COL26A1: variants seen among roughly 807,000 people sequenced by gnomAD.
The protein encoded by COL26A1 is collagen type XXVI alpha 1 chain.
In COL26A1, 41 loss-of-function variants were observed where a neutral mutation model predicts 59.3. That is an observed-to-expected ratio of 0.69 (90% confidence interval 0.54 to 0.90). The LOEUF is 0.90. Ranked by LOEUF, COL26A1 falls within the 40% of genes least tolerant of loss-of-function variation. The pLI, the probability that COL26A1 is intolerant of heterozygous loss-of-function variation, is 0.00. For synonymous variants in COL26A1, 266 were observed against 256.0 expected (o/e 1.04, Z -0.37); for missense variants, 612 against 602.3 (o/e 1.02, Z -0.17).
intron 3 of COL26A1, among the ~76,000 whole-genome samples, chr7:101,526,516 G>T (rs970494110): frequency 1.3e-5 from 2 of 152,170 alleles, no homozygotes; most frequent in African/African-American, 4.8e-5. Context: ...CCTCCCACTG[G>T]GATCTTGTGG....
At chr7:101,456,948 C>T (rs200862612) in intron 3 of COL26A1, among the ~76,000 whole-genome samples, 2 of 152,300 alleles carry the variant, frequency 1.3e-5, no homozygotes, top group East Asian at 1.9e-4. Flanking sequence ...AAAACCAGTT[C>T]GCTGAGACCG....
At chr7:101,417,155 G>A (rs1361373910) in intron 1 of COL26A1, among the ~76,000 whole-genome samples, 1 of 152,090 alleles carries the variant, frequency 6.6e-6, no homozygotes, top group East Asian at 1.9e-4. Flanking sequence ...GTGATTTATT[G>A]CCTGTTGAGT....
chr7:101,371,633 CTT>C (rs1399923004), intron 1 of COL26A1, among the ~76,000 whole-genome samples: 1 of 151,308 alleles, frequency 6.6e-6, no homozygotes, highest in African/African-American at 2.4e-5. Flanking sequence ...AAAAAAAAAA[CTT>C]TAAAAAATTA....
rs552958127 is a variant in COL26A1 at position 101,557,267 on chromosome 7, C to T, written c.1166-103C>T. 1.8e-5 allele frequency: 22 copies of T among 1,229,238 alleles called. No homozygotes were observed. In the Admixed American group the frequency reaches 2.0e-4, roughly 11 times the overall value. The allele number at this position is 1,229,238 out of a possible 1,614,324, so 76.1% of individuals were successfully genotyped here. On this transcript the variant is annotated intron_variant, in intron 12 of 12. Transcript: ENST00000313669. ...AGCCTGCTGCTGCCTTGCTTCTCCACGCTGGGCAAGAGCATCTCTCCGTGG... is the reference window on the plus strand; with the variant it reads ...AGCCTGCTGCTGCCTTGCTTCTCCATGCTGGGCAAGAGCATCTCTCCGTGG...
intron 7 of COL26A1, 120 bp downstream of exon 7, chr7:101,545,610 C>G: frequency 9.2e-7 from 1 of 1,086,770 alleles, no homozygotes; most frequent in South Asian, 1.6e-5. Context: ...CTGCTGCACC[C>G]AACTGGCTCA....
chr7:101,434,079 TCCCTCCCTCC>T (rs1792848740), intron 2 of COL26A1, among the ~76,000 whole-genome samples: 3 of 30,668 alleles, frequency 9.8e-5, no homozygotes, highest in Non-Finnish European at 2.2e-4. Context: ...CCTCCCTCCC[TCCCTCCCTCC>T]CTCTTTCTTT....
rs1451069183 is a variant in COL26A1 at position 101,500,291 on chromosome 7, C to A, written c.386-32791C>A. Among the ~76,000 whole-genome samples the A allele has an allele frequency of 4.6e-5, 7 of 152,218 alleles. No homozygotes were observed. The East Asian group carries it at 1.3e-3, about 29-fold the overall frequency. On this transcript the variant is annotated intron_variant, in intron 3 of 12. Coordinates refer to ENST00000313669, the MANE Select transcript of COL26A1 (RefSeq NM_001278563.3). ...TCTGTACTTGCTGTGGTCTCTCCTC[C>A]TCTCTGGGCTACAAGGCTCATAGCT...
intron 1 of COL26A1, among the ~76,000 whole-genome samples, chr7:101,402,663 CCTCCCTCCCTCCT>C (rs1792040246): frequency 2.9e-5 from 3 of 103,246 alleles, no homozygotes; most frequent in Non-Finnish European, 5.7e-5. Context: ...TCCTTCCTTC[CCTCCCTCCCTCCT>C]TCCCTCCCTC....
At chr7:101,427,162 G>A (rs1010482550) in intron 2 of COL26A1, among the ~76,000 whole-genome samples, 2 of 152,228 alleles carry the variant, frequency 1.3e-5, no homozygotes, top group African/African-American at 4.8e-5. Flanking sequence ...GGACTCAAGT[G>A]ATCCTCATGC....
intron 8 of COL26A1, among the ~76,000 whole-genome samples, chr7:101,547,828 CGTTT>C (rs1191324847): frequency 1.4e-5 from 2 of 146,140 alleles, no homozygotes; most frequent in Non-Finnish European, 2.9e-5. Context: ...TTCATTCATT[CGTTT>C]ATTCATTCAT....
At chr7:101,457,499 T>A (rs775047020) in intron 3 of COL26A1, among the ~76,000 whole-genome samples, 1 of 152,170 alleles carries the variant, frequency 6.6e-6, no homozygotes, top group Non-Finnish European at 1.5e-5. Flanking sequence ...GAGAGTGTTA[T>A]CATCCTTGCT....
chr7:101,407,757 T>C (rs1454555583), intron 1 of COL26A1, among the ~76,000 whole-genome samples: 2 of 151,956 alleles, frequency 1.3e-5, no homozygotes, highest in East Asian at 1.9e-4. Context: ...ACCATTGCCA[T>C]GGCAACACCC....
intron 3 of COL26A1, among the ~76,000 whole-genome samples, chr7:101,488,351 TA>T (rs1382378397): frequency 0.053 from 1,515 of 28,556 alleles, 34 homozygotes; most frequent in African/African-American, 0.1. Flanking sequence ...TTTTATTTAA[TA>T]TATATATATA....
intron 3 of COL26A1, among the ~76,000 whole-genome samples, chr7:101,506,504 C>G (rs1794815129): frequency 1.3e-5 from 2 of 152,362 alleles, no homozygotes; most frequent in South Asian, 4.1e-4. Context: ...GACAGTGGCT[C>G]TGGCTCCAGG....
chr7:101,382,658 T>C (rs1791475132), intron 1 of COL26A1, among the ~76,000 whole-genome samples: 1 of 152,206 alleles, frequency 6.6e-6, no homozygotes, highest in Non-Finnish European at 1.5e-5. Context: ...TACATCTTTT[T>C]ATTTTGGGTG....
At chr7:101,401,406 GA>G in intron 1 of COL26A1, among the ~76,000 whole-genome samples, 1 of 152,094 alleles carries the variant, frequency 6.6e-6, no homozygotes, top group East Asian at 1.9e-4. Flanking sequence ...GGAGGAAGAA[GA>G]AGAGGAGCAG....
intron 3 of COL26A1, among the ~76,000 whole-genome samples, chr7:101,448,150 G>C (rs1793246172): frequency 6.6e-6 from 1 of 152,372 alleles, no homozygotes; most frequent in South Asian, 2.1e-4. Context: ...TCTGGGCTCT[G>C]AGCAAATGCG....
chr7:101,490,686 G>A (rs889562942), intron 3 of COL26A1, among the ~76,000 whole-genome samples: 4 of 150,278 alleles, frequency 2.7e-5, no homozygotes, highest in African/African-American at 9.8e-5. Flanking sequence ...GGGTAACACA[G>A]TGAGACTCTA....
At chr7:101,503,100 T>G (rs1342700184) in intron 3 of COL26A1, among the ~76,000 whole-genome samples, 1 of 152,146 alleles carries the variant, frequency 6.6e-6, no homozygotes, top group Non-Finnish European at 1.5e-5. Context: ...GTTACTCCTG[T>G]TACATGCCTT....
Sources: allele counts gnomAD v4.1 joint callset (sites outside exome capture counted in the v4.1 genomes callset), GRCh38; gene constraint gnomAD v4.1.1; transcripts MANE v1.5; gene names NCBI Gene and HGNC (gene_info 2026-07-23, HGNC 2026-07-21).